The following PABPC1L variants were observed in gnomAD, a reference collection of about 807,000 sequenced individuals.
PABPC1L encodes polyadenylate-binding protein 1-like.
A neutral mutation model predicts 66.6 loss-of-function variants in PABPC1L; 31 were observed. The ratio of observed to expected loss-of-function variants is 0.47; its 90% confidence interval spans 0.35 to 0.63. The LOEUF is 0.63. Among genes scored for constraint, PABPC1L ranks in the 20% least tolerant of loss-of-function variants. The pLI, the probability that PABPC1L is intolerant of heterozygous loss-of-function variation, is 0.00. For synonymous variants in PABPC1L, 348 were observed against 335.1 expected (o/e 1.04, Z -0.42); for missense variants, 722 against 848.8 (o/e 0.85, Z 1.86).
In PABPC1L at chr20:44,930,753, G is replaced by A. The variant is rs41282036; in HGVS notation, c.1239+27G>A. On this transcript the variant is annotated intron_variant, in intron 8 of 14. Transcript: ENST00000217073. ...TGACGGCCTGCCCGCAACTCCCACCGCAGCCTTCCCCCCTGCCCCAGCAAG... is the reference window on the plus strand; with the variant it reads ...TGACGGCCTGCCCGCAACTCCCACCACAGCCTTCCCCCCTGCCCCAGCAAG... 18,023 of 1,602,892 alleles carry A rather than the reference G, an allele frequency of 0.011. 1,603 individuals carry two copies. The African/African-American group carries it at 0.2, about 18-fold the overall frequency.
chr20:44,924,015 C>T (rs2145566879), intron 6 of PABPC1L, 146 bp from the exon 7 acceptor site: 1 of 677,774 alleles, frequency 1.5e-6, no homozygotes, highest in Non-Finnish European at 2.7e-6. Context: ...GATGGGGGTA[C>T]CTGGGTGCTG....
chr20:44,922,120 T>C (rs1207453581), intron 6 of PABPC1L, among the ~76,000 whole-genome samples: 1 of 152,216 alleles, frequency 6.6e-6, no homozygotes, highest in South Asian at 2.1e-4. Flanking sequence ...AGGCCAAATA[T>C]GTTACATCCA....
chr20:44,921,523 TC>T lies in PABPC1L; in HGVS notation c.739-69del. Reference sequence around the variant, plus strand: ...CTGGTTTGCAGGTGGCCCCTCTAGATCCAGAAGATGAGCCTGGGCCAGGGCC... The same window carrying T: ...CTGGTTTGCAGGTGGCCCCTCTAGATCAGAAGATGAGCCTGGGCCAGGGCC... On this transcript the variant is annotated intron_variant, in intron 5 of 14. Transcript: ENST00000217073. 2.5e-6 allele frequency: 4 copies of T among 1,577,892 alleles called. No individual in the cohort carries two copies. The East Asian group carries it at 9.0e-5, about 36-fold the overall frequency.
intron 8 of PABPC1L, 165 bp from the exon 9 acceptor site, chr20:44,932,177 A>G: frequency 2.1e-6 from 1 of 475,156 alleles, no homozygotes; most frequent in Admixed American, 3.7e-5. Context: ...GCTAATGGAC[A>G]TCCTGAGATG....
intron 6 of PABPC1L, among the ~76,000 whole-genome samples, chr20:44,922,205 T>G (rs1247734262): frequency 6.6e-6 from 1 of 152,222 alleles, no homozygotes; most frequent in Non-Finnish European, 1.5e-5. Flanking sequence ...TCAGTGCAAT[T>G]TAAAACTTCA....
chr20:44,911,797 G>C (rs2066707245), intron 1 of PABPC1L, among the ~76,000 whole-genome samples: 2 of 152,230 alleles, frequency 1.3e-5, no homozygotes, highest in Admixed American at 1.3e-4. Flanking sequence ...GTGCTGCAGA[G>C]AGAAGGGTTT....
Position 44,933,205 on chromosome 20 carries a change from A to C in PABPC1L, c.1459+20A>C. 1 of 1,580,084 alleles carries C rather than the reference A, an allele frequency of 6.3e-7. No homozygotes were observed. The highest frequency in any genetic ancestry group is 8.6e-7 in the Non-Finnish European group (1 of 1,161,760). On this transcript the variant is annotated intron_variant, in intron 10 of 14. Transcript: ENST00000217073. ...GAGTAGGTGAGTGTGGGTAGGGCCAAGGGGAATGGGGGTGGGGCAAAGTTG... is the reference window on the plus strand; with the variant it reads ...GAGTAGGTGAGTGTGGGTAGGGCCACGGGGAATGGGGGTGGGGCAAAGTTG...
intron 2 of PABPC1L, among the ~76,000 whole-genome samples, chr20:44,916,180 GC>G (rs2066736487): frequency 6.6e-6 from 1 of 152,144 alleles, no homozygotes; most frequent in Non-Finnish European, 1.5e-5. Context: ...TAACCCTTTT[GC>G]CCATTGCCTT....
intron 6 of PABPC1L, among the ~76,000 whole-genome samples, chr20:44,923,089 T>G (rs1291852267): frequency 6.6e-6 from 1 of 152,240 alleles, no homozygotes; most frequent in Non-Finnish European, 1.5e-5. Flanking sequence ...TCTGTTCTCT[T>G]GTACATTCAT....
intron 7 of PABPC1L, among the ~76,000 whole-genome samples, chr20:44,928,350 G>A (rs939736469): frequency 9.9e-5 from 15 of 152,170 alleles, no homozygotes; most frequent in Admixed American, 7.9e-4. Flanking sequence ...TGGGATTACA[G>A]GCATAAGCCA....
chr20:44,917,468 A>C (rs1038405724), intron 3 of PABPC1L, among the ~76,000 whole-genome samples: 2 of 151,686 alleles, frequency 1.3e-5, no homozygotes, highest in African/African-American at 4.8e-5. Flanking sequence ...AAAGTGTTAA[A>C]ATGCTGGGAT....
intron 7 of PABPC1L, among the ~76,000 whole-genome samples, chr20:44,927,589 T>G (rs1402883042): frequency 6.6e-6 from 1 of 152,158 alleles, no homozygotes; most frequent in Non-Finnish European, 1.5e-5. Context: ...CCTCAGGTGA[T>G]CCACCTGCCT....
intron 10 of PABPC1L, 101 bp from the exon 11 acceptor site, chr20:44,935,290 G>A (rs2066892591): frequency 4.8e-6 from 4 of 825,614 alleles, no homozygotes; most frequent in East Asian, 2.6e-5. Context: ...TCTTGTCAAC[G>A]CTTGTTATTT....
intron 3 of PABPC1L, among the ~76,000 whole-genome samples, chr20:44,918,520 G>A (rs2066751725): frequency 6.6e-6 from 1 of 152,168 alleles, no homozygotes; most frequent in South Asian, 2.1e-4. Flanking sequence ...TGAACTCTGA[G>A]GCTCAGAGAG....
At chr20:44,937,545 G>C (rs1889252714) in intron 12 of PABPC1L, among the ~76,000 whole-genome samples, 1 of 152,132 alleles carries the variant, frequency 6.6e-6, no homozygotes, top group South Asian at 2.1e-4. Flanking sequence ...CTTCTGAGTA[G>C]CTGGGCTTAC....
intron 5 of PABPC1L, among the ~76,000 whole-genome samples, chr20:44,920,749 G>A (rs902206673): frequency 2.0e-5 from 3 of 147,420 alleles, no homozygotes; most frequent in African/African-American, 5.0e-5. Context: ...GATTACAGGC[G>A]TGAGCCACCA....
rs2066738015 is a variant in PABPC1L at position 44,916,414 on chromosome 20, A to G, written c.388-342A>G. ...CAGCCTCCTGAGTAGCTGGGATTAC[A>G]GGCACCCACCACCACATCTGGCTAA... On this transcript the variant is annotated intron_variant, in intron 2 of 14. Coordinates refer to ENST00000217073, the MANE Select transcript of PABPC1L (RefSeq NM_001372179.1). Among the ~76,000 whole-genome samples the G allele has an allele frequency of 1.3e-5, 2 of 152,180 alleles. 1 individual carries two copies. Among genetic ancestry groups the G allele is most frequent in the South Asian group, 4.1e-4 (2 of 4,832 alleles).
At chr20:44,936,328 T>C (rs963416084) in intron 11 of PABPC1L, among the ~76,000 whole-genome samples, 28 of 152,138 alleles carry the variant, frequency 1.8e-4, no homozygotes, top group African/African-American at 5.8e-4. Flanking sequence ...TGTCCATAAA[T>C]CTACTTGATA....
At position 44,932,304 on chromosome 20, in the gene PABPC1L, G is replaced by A. The variant is rs554184775; in HGVS notation, c.1240-38G>A. On this transcript the variant is annotated intron_variant, in intron 8 of 14. Coordinates refer to ENST00000217073, the MANE Select transcript of PABPC1L (RefSeq NM_001372179.1). ...GGTGTAGCTTCTCACCTACCCTGCC[G>A]CCAAGCCCCTCAGTCTGGGTCTTCT... The A allele has an allele frequency of 8.1e-5, 125 of 1,546,316 alleles. 1 individual carries two copies. In the South Asian group the frequency reaches 1.3e-3, roughly 16 times the overall value.
Sources: gnomAD v4.1 joint callset for allele counts (sites outside exome capture counted in the v4.1 genomes callset) on GRCh38, gnomAD v4.1.1 for gene constraint, MANE v1.5 for transcripts, NCBI Gene and HGNC (gene_info 2026-07-23, HGNC 2026-07-21) for gene names.